RAPGEF6: variants seen among roughly 807,000 people sequenced by gnomAD.
RAPGEF6 encodes the protein Rap guanine nucleotide exchange factor 6.
A neutral mutation model predicts 171.4 loss-of-function variants in RAPGEF6; 56 were observed. The ratio of observed to expected loss-of-function variants is 0.33; its 90% confidence interval spans 0.26 to 0.41. The LOEUF (loss-of-function observed/expected upper bound fraction) is 0.41. RAPGEF6 is among the 10% of genes least tolerant of loss of function. The probability of loss-of-function intolerance (pLI) is 1.00; values close to 1 mark genes in which losing one functional copy is unlikely to be tolerated. For synonymous variants in RAPGEF6, 692 were observed against 650.1 expected (o/e 1.06, Z -0.98); for missense variants, 1,674 against 1,921.4 (o/e 0.87, Z 2.41).
intron 1 of RAPGEF6, among the ~76,000 whole-genome samples, chr5:131,617,937 G>A (rs1426655048): frequency 6.6e-6 from 1 of 152,022 alleles, no homozygotes; most frequent in Non-Finnish European, 1.5e-5. Flanking sequence ...AACAACATTC[G>A]GCAAAATGGC....
chr5:131,606,409 A>T (rs1462903195), intron 1 of RAPGEF6, among the ~76,000 whole-genome samples: 4 of 152,026 alleles, frequency 2.6e-5, no homozygotes, highest in Admixed American at 2.6e-4. Context: ...TCCAAAGATA[A>T]CAACTGTCAA....
At chr5:131,492,920 G>C (rs1326880677) in intron 13 of RAPGEF6, 135 bp from the exon 14 acceptor site, 1 of 726,674 alleles carries the variant, frequency 1.4e-6, no homozygotes, top group East Asian at 2.7e-5. Context: ...GAAGAAGGGG[G>C]CACTCCCACG....
intron 4 of RAPGEF6, among the ~76,000 whole-genome samples, chr5:131,569,858 T>G (rs1218723255): frequency 6.6e-6 from 1 of 151,804 alleles, no homozygotes; most frequent in African/African-American, 2.4e-5. Flanking sequence ...CTGGCCAACG[T>G]GGTGCAACCC....
intron 4 of RAPGEF6, among the ~76,000 whole-genome samples, chr5:131,571,878 G>A (rs2149980476): frequency 6.6e-6 from 1 of 152,166 alleles, no homozygotes; most frequent in Middle Eastern, 3.4e-3. Flanking sequence ...CTGTGATAAT[G>A]TACCCTTGTG....
At chr5:131,460,091 G>A (rs1753811096) in intron 19 of RAPGEF6, among the ~76,000 whole-genome samples, 1 of 152,038 alleles carries the variant, frequency 6.6e-6, no homozygotes, top group Non-Finnish European at 1.5e-5. Flanking sequence ...AAGAAACAAA[G>A]CAATGATCTT....
At chr5:131,502,577 C>T (rs1757096097) in intron 11 of RAPGEF6, among the ~76,000 whole-genome samples, 1 of 152,144 alleles carries the variant, frequency 6.6e-6, no homozygotes, top group African/African-American at 2.4e-5. Flanking sequence ...TGAGGAAATA[C>T]TGGAAAGATC....
chr5:131,517,477 C>T (rs950200737), intron 7 of RAPGEF6, among the ~76,000 whole-genome samples: 1 of 150,128 alleles, frequency 6.7e-6, no homozygotes, highest in African/African-American at 2.4e-5. Flanking sequence ...TTCCCCTCAA[C>T]TGTCCAAATT....
At chr5:131,462,954 T>C (rs905092154) in intron 18 of RAPGEF6, among the ~76,000 whole-genome samples, 6 of 152,228 alleles carry the variant, frequency 3.9e-5, no homozygotes, top group African/African-American at 1.4e-4. Flanking sequence ...ATGCTATATA[T>C]AATAATGTTT....
At chr5:131,432,383 CCGAGG>C (rs1751761404) in intron 25 of RAPGEF6, among the ~76,000 whole-genome samples, 1 of 152,100 alleles carries the variant, frequency 6.6e-6, no homozygotes. Flanking sequence ...CTTTGGGAGG[CCGAGG>C]CGGGCGGATC....
intron 4 of RAPGEF6, among the ~76,000 whole-genome samples, chr5:131,581,419 T>C (rs1370795814): frequency 1.3e-5 from 2 of 152,120 alleles, no homozygotes; most frequent in Non-Finnish European, 2.9e-5. Context: ...ACTCAGGCCT[T>C]GGGTCTTCCG....
intron 1 of RAPGEF6, among the ~76,000 whole-genome samples, chr5:131,626,526 A>T (rs1765944662): frequency 6.6e-6 from 1 of 151,848 alleles, no homozygotes; most frequent in Non-Finnish European, 1.5e-5. Flanking sequence ...ATCATCCAGA[A>T]ATCAATTCAT....
chr5:131,432,625 C>T (rs535537779), intron 25 of RAPGEF6, among the ~76,000 whole-genome samples: 48 of 150,464 alleles, frequency 3.2e-4, no homozygotes, highest in Admixed American at 2.7e-3. Flanking sequence ...TCTCACAGAG[C>T]GAGACTCCGC....
At chr5:131,549,729 T>A (rs1482017922) in intron 5 of RAPGEF6, among the ~76,000 whole-genome samples, 1 of 152,074 alleles carries the variant, frequency 6.6e-6, no homozygotes, top group Non-Finnish European at 1.5e-5. Flanking sequence ...TTTTTTAACT[T>A]TTATTTTAAG....
chr5:131,504,925 G>T, intron 10 of RAPGEF6, 147 bp from the exon 11 acceptor site: 1 of 831,796 alleles, frequency 1.2e-6, no homozygotes, highest in Non-Finnish European at 1.7e-6. Flanking sequence ...AAATCAAGGT[G>T]AAACAATTCA....
intron 4 of RAPGEF6, among the ~76,000 whole-genome samples, chr5:131,579,436 T>G (rs1262713429): frequency 1.3e-5 from 2 of 152,206 alleles, no homozygotes; most frequent in African/African-American, 4.8e-5. Context: ...TTGGTCCATT[T>G]TACAGAGAGC....
intron 6 of RAPGEF6, among the ~76,000 whole-genome samples, chr5:131,542,353 C>A (rs1483775760): frequency 6.6e-6 from 1 of 152,082 alleles, no homozygotes; most frequent in Admixed American, 6.6e-5. Context: ...CTAGGCAGAG[C>A]CCTTTTTTAT....
intron 5 of RAPGEF6, among the ~76,000 whole-genome samples, chr5:131,555,066 C>T (rs923386023): frequency 9.9e-5 from 15 of 152,174 alleles, no homozygotes; most frequent in Admixed American, 5.9e-4. Flanking sequence ...AATCTCATGT[C>T]AAATATAGAA....
At chr5:131,430,328 A>G (rs1751620887) in intron 26 of RAPGEF6, among the ~76,000 whole-genome samples, 1 of 152,180 alleles carries the variant, frequency 6.6e-6, no homozygotes, top group Non-Finnish European at 1.5e-5. Flanking sequence ...TAAAAAAAAA[A>G]GTTTACTAAG....
At chr5:131,557,410 T>A (rs1452676212) in intron 5 of RAPGEF6, among the ~76,000 whole-genome samples, 1 of 152,242 alleles carries the variant, frequency 6.6e-6, no homozygotes, top group Non-Finnish European at 1.5e-5. Context: ...AATTGATTTT[T>A]ATGTATGAAC....
Sources: gnomAD v4.1 joint callset for allele counts (sites outside exome capture counted in the v4.1 genomes callset) on GRCh38, gnomAD v4.1.1 for gene constraint, MANE v1.5 for transcripts, NCBI Gene and HGNC (gene_info 2026-07-23, HGNC 2026-07-21) for gene names.